The following PPARD variants were observed in gnomAD, a reference collection of about 807,000 sequenced individuals.
PPARD encodes the protein peroxisome proliferator activated receptor delta, also known as peroxisome proliferator-activated receptor delta.
Under a neutral mutation model 39.5 loss-of-function variants are expected in PPARD, and 6 were observed. That is an observed-to-expected ratio of 0.15 (90% CI 0.08 to 0.30). PPARD has a LOEUF of 0.30. Among genes scored for constraint, PPARD ranks in the 10% least tolerant of loss-of-function variants. PPARD has a pLI of 1.00. For missense variants in PPARD, 397 were observed against 596.8 expected (o/e 0.67, Z 3.49); for synonymous variants, 210 against 231.3 (o/e 0.91, Z 0.83).
intron 2 of PPARD, among the ~76,000 whole-genome samples, chr6:35,376,196 A>G (rs1260629356): frequency 6.6e-6 from 1 of 152,214 alleles, no homozygotes; most frequent in Non-Finnish European, 1.5e-5. Context: ...AGCTTCCCCT[A>G]ATGTTAATCT....
chr6:35,416,346 CCTGGGGAA>C (rs1469669950), intron 3 of PPARD, among the ~76,000 whole-genome samples: 5 of 131,746 alleles, frequency 3.8e-5, no homozygotes, highest in Non-Finnish European at 7.7e-5. Context: ...TGCACTCCAG[CCTGGGGAA>C]CAAAAGCGAG....
chr6:35,346,845 T>A (rs1261131653), intron 1 of PPARD, among the ~76,000 whole-genome samples: 3 of 152,254 alleles, frequency 2.0e-5, no homozygotes, highest in African/African-American at 7.2e-5. Flanking sequence ...GCAAAGCCAG[T>A]GTCTGCTTAC....
intron 2 of PPARD, among the ~76,000 whole-genome samples, chr6:35,391,169 G>A (rs536878945): frequency 7.2e-5 from 11 of 152,132 alleles, no homozygotes; most frequent in East Asian, 5.8e-4. Flanking sequence ...TAGAAAATGC[G>A]GAAGAGAGCA....
intron 2 of PPARD, among the ~76,000 whole-genome samples, chr6:35,379,267 C>A (rs1762998154): frequency 6.6e-6 from 1 of 152,030 alleles, no homozygotes; most frequent in Admixed American, 6.6e-5. Flanking sequence ...CCACGCTCGG[C>A]TAATTTTTGT....
At chr6:35,419,387 G>A (rs1765992625) in intron 3 of PPARD, among the ~76,000 whole-genome samples, 2 of 152,172 alleles carry the variant, frequency 1.3e-5, no homozygotes, top group Non-Finnish European at 2.9e-5. Context: ...TCTGACAGCA[G>A]ATATATCCTG....
chr6:35,418,003 G>A (rs1027870299), intron 3 of PPARD, among the ~76,000 whole-genome samples: 8 of 152,130 alleles, frequency 5.3e-5, no homozygotes, highest in Admixed American at 4.6e-4. Context: ...ATGGCCACAG[G>A]GAGGATGAGA....
chr6:35,403,950 A>G (rs772923543), intron 2 of PPARD, among the ~76,000 whole-genome samples: 9 of 152,334 alleles, frequency 5.9e-5, no homozygotes, highest in East Asian at 3.9e-4. Context: ...GGCAGGGACG[A>G]GAGCCTGTGG....
intron 2 of PPARD, among the ~76,000 whole-genome samples, chr6:35,374,589 C>T (rs1762692625): frequency 6.8e-6 from 1 of 148,088 alleles, no homozygotes; most frequent in Non-Finnish European, 1.5e-5. Flanking sequence ...ACCCGGGACA[C>T]AGAGCTTGCA....
intron 2 of PPARD, among the ~76,000 whole-genome samples, chr6:35,378,701 G>A (rs537224988): frequency 1.3e-5 from 2 of 152,262 alleles, no homozygotes; most frequent in Admixed American, 6.5e-5. Context: ...TATGCCCGGG[G>A]CCTCCGAGGA....
chr6:35,387,504 GGGTGAA>G (rs996888627), intron 2 of PPARD, among the ~76,000 whole-genome samples: 1 of 152,114 alleles, frequency 6.6e-6, no homozygotes, highest in Non-Finnish European at 1.5e-5. Flanking sequence ...CCAGCCCCAG[GGGTGAA>G]GGTGAAGGTG....
At chr6:35,421,151 C>T (rs1017086247) in intron 4 of PPARD, among the ~76,000 whole-genome samples, 5 of 150,472 alleles carry the variant, frequency 3.3e-5, no homozygotes, top group African/African-American at 4.9e-5. Flanking sequence ...TTAATAGGGA[C>T]GGGGTTTCAC....
chr6:35,395,957 T>C (rs1048926018), intron 2 of PPARD, among the ~76,000 whole-genome samples: 2 of 151,920 alleles, frequency 1.3e-5, no homozygotes, highest in Admixed American at 1.3e-4. Context: ...CACACAGAGG[T>C]GCTGTGCACT....
chr6:35,411,303 T>C (rs1019504202), intron 3 of PPARD, 86 bp downstream of exon 3: 26 of 1,339,806 alleles, frequency 1.9e-5, no homozygotes, highest in Admixed American at 3.0e-5. Context: ...AACGCCATCA[T>C]GTGGGGCGCA....
intron 2 of PPARD, among the ~76,000 whole-genome samples, chr6:35,378,910 A>C (rs1762967734): frequency 1.3e-5 from 2 of 152,118 alleles, no homozygotes; most frequent in Non-Finnish European, 2.9e-5. Flanking sequence ...CTATCATAGG[A>C]ATATTCTCAG....
intron 3 of PPARD, among the ~76,000 whole-genome samples, chr6:35,413,737 A>G (rs545793209): frequency 2.0e-5 from 3 of 150,114 alleles, no homozygotes; most frequent in South Asian, 4.2e-4. Flanking sequence ...GCTGGAGTGC[A>G]GTGGCACACG....
chr6:35,347,908 CTT>C (rs149146314), intron 2 of PPARD, among the ~76,000 whole-genome samples: 14 of 122,032 alleles, frequency 1.1e-4, no homozygotes, highest in Admixed American at 2.5e-4. Flanking sequence ...CGCACCTGGC[CTT>C]TTTTTTTTTT....
chr6:35,347,630 C>T (rs906686914), intron 2 of PPARD, among the ~76,000 whole-genome samples: 1 of 151,654 alleles, frequency 6.6e-6, no homozygotes, highest in African/African-American at 2.4e-5. Context: ...GTTTTTGAGA[C>T]GAAGTCTTGC....
In PPARD at chr6:35,417,639, C is replaced by T. The variant is rs993739029; in HGVS notation, c.131-2488C>T. The stretch of plus-strand genomic sequence containing the variant: ...CCCCTGCCCCCGGGTTCAAGTGATT[C>T]TCCTTCCTTAGCCTCCCGAGTAGCT... On this transcript the variant is annotated intron_variant, in intron 3 of 7. Coordinates refer to ENST00000360694, the MANE Select transcript of PPARD (RefSeq NM_006238.5). Among the ~76,000 whole-genome samples the T allele has an allele frequency of 3.9e-5, 6 of 152,180 alleles. No individual in the cohort carries two copies. The East Asian group carries it at 1.2e-3, about 29-fold the overall frequency.
chr6:35,425,441 T>C lies in PPARD; in HGVS notation c.1079-391T>C, dbSNP rs1766508706. 1 of 1,069,958 alleles carries C rather than the reference T, an allele frequency of 9.3e-7. No homozygotes were observed. 66.3% of individuals were successfully genotyped at this position (1,069,958 alleles called of 1,614,324 possible). Reference sequence around the variant, plus strand: ...TACTTCATGCCAGGCACTGTTCTTTTCATCGATGATGACTCACTTGATCCT... The same window carrying C: ...TACTTCATGCCAGGCACTGTTCTTTCCATCGATGATGACTCACTTGATCCT... On this transcript the variant is annotated intron_variant, in intron 7 of 7. Coordinates refer to ENST00000360694, the MANE Select transcript of PPARD (RefSeq NM_006238.5). This position sits in a 1 kb window ranked among gnomAD's most constrained non-coding sequence, Gnocchi z 4.5.
Sources: gnomAD v4.1 joint callset for allele counts (sites outside exome capture counted in the v4.1 genomes callset) on GRCh38, gnomAD v4.1.1 for gene constraint, Gnocchi (gnomAD v3.1) non-coding constraint, MANE v1.5 for transcripts, NCBI Gene and HGNC (gene_info 2026-07-23, HGNC 2026-07-21) for gene names.